The following ABTB2 variants were observed in gnomAD, a reference collection of about 807,000 sequenced individuals.
The protein encoded by ABTB2 is ankyrin repeat and BTB/POZ domain-containing protein 2.
ABTB2 carries 56 observed loss-of-function variants against 104.1 expected under a neutral mutation model. The observed-to-expected ratio is 0.54, with a 90% CI of 0.43 to 0.67. ABTB2 has a LOEUF of 0.67. ABTB2 is among the 30% of genes least tolerant of loss of function. ABTB2 has a pLI of 0.00. For missense variants in ABTB2, 1,279 were observed against 1,407.7 expected (o/e 0.91, Z 1.46); for synonymous variants, 606 against 608.2 (o/e 1.00, Z 0.05).
chr11:34,172,734 A>G (rs569859631), intron 4 of ABTB2, among the ~76,000 whole-genome samples: 1 of 152,214 alleles, frequency 6.6e-6, no homozygotes, highest in East Asian at 1.9e-4. Context: ...TGCACTTGTC[A>G]TGAGGACTAA....
intron 1 of ABTB2, among the ~76,000 whole-genome samples, chr11:34,308,640 C>T (rs903991803): frequency 2.6e-5 from 4 of 151,906 alleles, no homozygotes; most frequent in Admixed American, 2.6e-4. Flanking sequence ...GAAGCCGAGG[C>T]GGGTGGATCA....
chr11:34,270,562 A>G lies in ABTB2; in HGVS notation c.884-65872T>C, dbSNP rs945486047. On this transcript the variant is annotated intron_variant, in intron 1 of 16. Coordinates refer to ENST00000435224, the MANE Select transcript of ABTB2 (RefSeq NM_145804.3). ...ACCATGTTGGCCAGGCTGTTCTGGA[A>G]CTCCTGACCTCAGGTGATCCGCCCG... Among the ~76,000 whole-genome samples, 5 of 152,150 alleles carry G rather than the reference A, an allele frequency of 3.3e-5. No individual in the cohort carries two copies. In the South Asian group the frequency reaches 1.0e-3, roughly 32 times the overall value.
chr11:34,181,293 A>G (rs913480301), intron 3 of ABTB2, among the ~76,000 whole-genome samples: 2 of 152,164 alleles, frequency 1.3e-5, no homozygotes, highest in Admixed American at 1.3e-4. Context: ...CTCAGAAAGC[A>G]TATGATTTAT....
At position 34,277,651 on chromosome 11, in the gene ABTB2, A is replaced by G. The variant is rs1274863943; in HGVS notation, c.884-72961T>C. On this transcript the variant is annotated intron_variant, in intron 1 of 16. Coordinates refer to ENST00000435224, the MANE Select transcript of ABTB2 (RefSeq NM_145804.3). ...CAAAAATTAGCCAGGTGTGGTGGTCACACCTGTAATCCCAGCTACTCAGGA... is the reference window on the plus strand; with the variant it reads ...CAAAAATTAGCCAGGTGTGGTGGTCGCACCTGTAATCCCAGCTACTCAGGA... Among the ~76,000 whole-genome samples the G allele has an allele frequency of 2.2e-5, 3 of 135,408 alleles. No homozygotes were observed. The East Asian group carries it at 6.6e-4, about 30-fold the overall frequency. The allele number at this position is 135,408 out of a possible 152,430, so 88.8% of individuals were successfully genotyped here.
intron 10 of ABTB2, 91 bp from the exon 11 acceptor site, chr11:34,161,172 G>A (rs957609064): frequency 1.5e-6 from 2 of 1,332,568 alleles, no homozygotes; most frequent in East Asian, 2.6e-5. Flanking sequence ...ACTCTCTCGG[G>A]ATGCCCCCGC....
At chr11:34,202,668 C>T (rs1462945037) in intron 2 of ABTB2, among the ~76,000 whole-genome samples, 3 of 151,952 alleles carry the variant, frequency 2.0e-5, no homozygotes, top group African/African-American at 7.3e-5. Context: ...GGTGAAACCC[C>T]GTCTCTACTA....
chr11:34,308,560 C>G (rs929960570), intron 1 of ABTB2, among the ~76,000 whole-genome samples: 1 of 152,130 alleles, frequency 6.6e-6, no homozygotes, highest in Admixed American at 6.6e-5. Flanking sequence ...CTATGCAGCT[C>G]ACTCACTGTT....
intron 1 of ABTB2, among the ~76,000 whole-genome samples, chr11:34,210,139 T>C (rs1342821748): frequency 2.0e-5 from 3 of 152,266 alleles, no homozygotes; most frequent in Non-Finnish European, 4.4e-5. Context: ...CAAGCCAGAC[T>C]TCTAAAGGGT....
chr11:34,350,949 C>A (rs140452555), intron 1 of ABTB2, among the ~76,000 whole-genome samples: 1 of 152,318 alleles, frequency 6.6e-6, no homozygotes, highest in Admixed American at 6.5e-5. Context: ...ACAGGATTCT[C>A]ATGGGGACCT....
intron 1 of ABTB2, among the ~76,000 whole-genome samples, chr11:34,311,697 C>A (rs1368670115): frequency 2.6e-5 from 4 of 152,204 alleles, no homozygotes; most frequent in African/African-American, 2.4e-5. Flanking sequence ...TTAAGCCCAG[C>A]CCCAGTTACT....
rs1054275693 is a variant in ABTB2, at chr11:34,356,776, C to T, written c.808G>A (p.Val270Ile). The change falls in exon 1 of 17, where the codon GTC (valine) becomes ATC (isoleucine). Residue 270 changes from valine (V) to isoleucine (I), a missense_variant. Transcript: ENST00000435224. This position sits in a 1 kb window ranked among gnomAD's most constrained non-coding sequence, Gnocchi z 4.6. ...CAGAGCTCGGCGTCGTTGTTGATGA[C>T]CATCTCCAGGGCCTCAGCAGACACC... ...GEVSAEALEM[V>I]INNDAELWGV... 3.1e-6 allele frequency: 5 copies of T among 1,611,264 alleles called. No individual in the cohort carries two copies. The highest frequency in any genetic ancestry group is 1.7e-5 in the Admixed American group (1 of 59,754).
intron 1 of ABTB2, among the ~76,000 whole-genome samples, chr11:34,239,161 C>G (rs2475164): frequency 6.6e-6 from 1 of 151,874 alleles, no homozygotes; most frequent in East Asian, 1.9e-4. Flanking sequence ...ATCTGTGGGA[C>G]GACAACACCT....
At chr11:34,246,601 CAAAAA>C (rs60681759) in intron 1 of ABTB2, among the ~76,000 whole-genome samples, 18 of 34,776 alleles carry the variant, frequency 5.2e-4, no homozygotes, top group African/African-American at 1.9e-3. Flanking sequence ...AACTCCATCT[CAAAAA>C]AAAAAAAAAA....
Position 34,152,214 on chromosome 11 carries a change from G to A in ABTB2, c.*173C>T. ...TTGCCCATCAGTGATTGAACAAACA[G>A]CTCTAGGGCAGAGGAGATGAGGGTG... On this transcript the variant is annotated 3_prime_UTR_variant, in exon 17 of 17. Coordinates refer to ENST00000435224, the MANE Select transcript of ABTB2 (RefSeq NM_145804.3). 5 of 694,540 alleles carry A rather than the reference G, an allele frequency of 7.2e-6. No individual in the cohort carries two copies. The highest frequency in any genetic ancestry group is 1.2e-5 in the Non-Finnish European group (5 of 422,294). 43.0% of individuals were successfully genotyped at this position (694,540 alleles called of 1,614,324 possible).
intron 1 of ABTB2, among the ~76,000 whole-genome samples, chr11:34,286,445 A>T (rs1018021624): frequency 6.6e-6 from 1 of 151,840 alleles, no homozygotes; most frequent in East Asian, 1.9e-4. Flanking sequence ...GGCACCCGCC[A>T]CCACACCCAG....
intron 5 of ABTB2, among the ~76,000 whole-genome samples, chr11:34,170,188 C>T (rs1343605368): frequency 2.0e-5 from 3 of 152,178 alleles, no homozygotes; most frequent in Admixed American, 2.0e-4. Flanking sequence ...TTAGGTAAAG[C>T]AACCTCTCTG....
intron 1 of ABTB2, among the ~76,000 whole-genome samples, chr11:34,331,304 C>T (rs370507471): frequency 5.9e-5 from 9 of 151,972 alleles, no homozygotes; most frequent in Middle Eastern, 3.2e-3. Context: ...TTGCTTAACG[C>T]GGAAAAAATT....
intron 16 of ABTB2, among the ~76,000 whole-genome samples, chr11:34,153,885 G>A (rs1166000811): frequency 6.6e-6 from 1 of 152,242 alleles, no homozygotes; most frequent in Non-Finnish European, 1.5e-5. Context: ...CAACTGAGCA[G>A]TGACCATGTT....
chr11:34,340,450 CA>C (rs1304205072), intron 1 of ABTB2, among the ~76,000 whole-genome samples: 3 of 152,134 alleles, frequency 2.0e-5, no homozygotes, highest in Non-Finnish European at 4.4e-5. Flanking sequence ...TGAGGTATTG[CA>C]AAGTTAAATA....
Sources: gnomAD v4.1 joint callset for allele counts (sites outside exome capture counted in the v4.1 genomes callset) on GRCh38, gnomAD v4.1.1 for gene constraint, Gnocchi (gnomAD v3.1) non-coding constraint, MANE v1.5 for transcripts, NCBI Gene and HGNC (gene_info 2026-07-23, HGNC 2026-07-21) for gene names.